The following MTDH variants were observed in gnomAD, a reference collection of about 807,000 sequenced individuals.
MTDH encodes the protein metadherin, also known as protein LYRIC.
In MTDH, 34 loss-of-function variants were observed where a neutral mutation model predicts 72.7. The observed-to-expected ratio is 0.47, with a 90% CI of 0.36 to 0.62. The LOEUF is 0.62. Ranked by LOEUF, MTDH falls within the 20% of genes least tolerant of loss-of-function variation. MTDH has a pLI of 0.00. For synonymous variants in MTDH, 266 were observed against 268.9 expected (o/e 0.99, Z 0.10); for missense variants, 677 against 699.4 (o/e 0.97, Z 0.36).
chr8:97,703,725 TTG>T (rs750893756), intron 7 of MTDH, among the ~76,000 whole-genome samples: 10 of 152,232 alleles, frequency 6.6e-5, no homozygotes, highest in Non-Finnish European at 1.5e-4. Context: ...TTCATCAGAA[TTG>T]TGAGAAATAA....
intron 6 of MTDH, among the ~76,000 whole-genome samples, chr8:97,692,949 C>A (rs1813678954): frequency 1.3e-5 from 2 of 152,126 alleles, no homozygotes; most frequent in South Asian, 4.1e-4. Context: ...CCACACTGGT[C>A]TAGAACTCTT....
At chr8:97,707,888 A>G (rs1046105255) in intron 8 of MTDH, among the ~76,000 whole-genome samples, 3 of 151,630 alleles carry the variant, frequency 2.0e-5, no homozygotes, top group African/African-American at 7.3e-5. Flanking sequence ...AAGTTAAATG[A>G]GAGGGAAGAT....
chr8:97,723,742 CA>C (rs373955883), intron 11 of MTDH, among the ~76,000 whole-genome samples: 9 of 141,174 alleles, frequency 6.4e-5, no homozygotes, highest in Admixed American at 7.1e-5. Flanking sequence ...GACTCTGTCT[CA>C]AAAAAAAAAG....
intron 2 of MTDH, among the ~76,000 whole-genome samples, chr8:97,663,777 G>T (rs1028174016): frequency 2.7e-5 from 4 of 149,958 alleles, no homozygotes; most frequent in South Asian, 2.1e-4. Flanking sequence ...AAGACTTTAT[G>T]GTTGTTTAAA....
chr8:97,688,059 T>C (rs547566657), intron 4 of MTDH, among the ~76,000 whole-genome samples: 2 of 152,316 alleles, frequency 1.3e-5, no homozygotes, highest in East Asian at 3.9e-4. Flanking sequence ...TTTTTGAGAA[T>C]ATTATAGATG....
intron 2 of MTDH, among the ~76,000 whole-genome samples, chr8:97,674,756 T>C (rs906964720): frequency 2.0e-5 from 3 of 152,022 alleles, no homozygotes; most frequent in Non-Finnish European, 4.4e-5. Flanking sequence ...TTGAAAACCT[T>C]ATACACCAGT....
chr8:97,662,016 A>G (rs531929515), intron 2 of MTDH, among the ~76,000 whole-genome samples: 1 of 152,142 alleles, frequency 6.6e-6, no homozygotes, highest in Admixed American at 6.5e-5. Context: ...TAAATGGTAC[A>G]TTCCTGAGAT....
At chr8:97,659,659 A>T (rs191674724) in intron 1 of MTDH, among the ~76,000 whole-genome samples, 2 of 152,338 alleles carry the variant, frequency 1.3e-5, no homozygotes, top group Admixed American at 1.3e-4. Flanking sequence ...TGTAATGACT[A>T]GGTAGCTGAT....
intron 2 of MTDH, among the ~76,000 whole-genome samples, chr8:97,671,428 G>GCCA (rs1451502388): frequency 4.6e-5 from 7 of 152,062 alleles, no homozygotes; most frequent in Non-Finnish European, 1.0e-4. Context: ...TATAAAATCT[G>GCCA]CCACTGTTCT....
intron 2 of MTDH, among the ~76,000 whole-genome samples, chr8:97,682,595 C>T (rs1206625340): frequency 6.6e-6 from 1 of 151,728 alleles, no homozygotes; most frequent in Non-Finnish European, 1.5e-5. Context: ...GCCACCGCAC[C>T]TGGCCTTTTG....
At chr8:97,645,713 C>T (rs1320069198) in intron 1 of MTDH, among the ~76,000 whole-genome samples, 1 of 152,228 alleles carries the variant, frequency 6.6e-6, no homozygotes, top group Non-Finnish European at 1.5e-5. Flanking sequence ...TCACGTCTGT[C>T]TTAGGCCTTC....
chr8:97,709,225 C>A, intron 8 of MTDH, among the ~76,000 whole-genome samples: 1 of 149,010 alleles, frequency 6.7e-6, no homozygotes, highest in African/African-American at 2.5e-5. Context: ...AGATATAATA[C>A]TAATGGTAGA....
At chr8:97,652,805 T>C (rs1811825454) in intron 1 of MTDH, among the ~76,000 whole-genome samples, 1 of 152,218 alleles carries the variant, frequency 6.6e-6, no homozygotes, top group Non-Finnish European at 1.5e-5. Flanking sequence ...GTTTTCTTTT[T>C]ACCTTTAAGT....
chr8:97,655,903 A>C (rs1444064637), intron 1 of MTDH, among the ~76,000 whole-genome samples: 1 of 152,254 alleles, frequency 6.6e-6, no homozygotes, highest in African/African-American at 2.4e-5. Flanking sequence ...GACAAAGTAT[A>C]TATTTTTCTC....
intron 1 of MTDH, among the ~76,000 whole-genome samples, chr8:97,654,193 G>T (rs1811878916): frequency 6.6e-6 from 1 of 152,142 alleles, no homozygotes; most frequent in African/African-American, 2.4e-5. Flanking sequence ...TGAACCATAG[G>T]TTATATTTGT....
At chr8:97,692,715 A>G (rs372654788) in intron 6 of MTDH, among the ~76,000 whole-genome samples, 54 of 151,052 alleles carry the variant, frequency 3.6e-4, no homozygotes, top group African/African-American at 1.3e-3. Flanking sequence ...TTCACGGAAT[A>G]TATTTGTTTG....
chr8:97,712,712 A>G (rs1814686551), intron 8 of MTDH, among the ~76,000 whole-genome samples: 1 of 152,208 alleles, frequency 6.6e-6, no homozygotes, highest in South Asian at 2.1e-4. Context: ...TTTTTATTTT[A>G]GCAGTTCTGA....
chr8:97,644,534 C>T lies in MTDH; in HGVS notation c.28C>T (p.Leu10=). The T allele has an allele frequency of 1.3e-6, 2 of 1,596,150 alleles. No homozygotes were observed. Among genetic ancestry groups the T allele is most frequent in the Non-Finnish European group, 1.7e-6 (2 of 1,175,934 alleles). MAARSWQDE[L]AQQAEEGSAR... ...GGCTGCACGGAGCTGGCAGGACGAG[C>T]TGGCCCAGCAGGCCGAGGAGGGCTC... The change falls in exon 1 of 12, where the codon CTG becomes TTG. Residue 10 remains leucine, a synonymous_variant. Coordinates refer to ENST00000336273, the MANE Select transcript of MTDH (RefSeq NM_178812.4).
intron 2 of MTDH, among the ~76,000 whole-genome samples, chr8:97,676,836 TACTAAAA>T (rs1386927881): frequency 1.3e-5 from 2 of 151,424 alleles, no homozygotes; most frequent in Admixed American, 6.6e-5. Context: ...ACCCCCTCTC[TACTAAAA>T]AATACAAAAA....
Sources: allele counts gnomAD v4.1 joint callset (sites outside exome capture counted in the v4.1 genomes callset), GRCh38; gene constraint gnomAD v4.1.1; transcripts MANE v1.5; gene names NCBI Gene and HGNC (gene_info 2026-07-23, HGNC 2026-07-21).